Variants in FRMD4B observed in about 807,000 individuals in gnomAD.
FRMD4B encodes the protein FERM domain-containing protein 4B.
In FRMD4B, 74 loss-of-function variants were observed where a neutral mutation model predicts 141.5. The ratio of observed to expected loss-of-function variants is 0.52; its 90% CI spans 0.43 to 0.63. FRMD4B has a LOEUF of 0.63. FRMD4B is among the 30% of genes least tolerant of loss of function. FRMD4B has a pLI of 0.00. For missense variants in FRMD4B, 1,366 were observed against 1,253.4 expected (o/e 1.09, Z -1.36); for synonymous variants, 506 against 467.9 (o/e 1.08, Z -1.05).
intron 1 of FRMD4B, among the ~76,000 whole-genome samples, chr3:69,377,550 G>T (rs1704004597): frequency 6.6e-6 from 1 of 152,234 alleles, no homozygotes; most frequent in Admixed American, 6.5e-5. Context: ...GCTGTTGGGA[G>T]TGTTGTGAGC....
Position 69,287,794 on chromosome 3 carries a change from G to T in FRMD4B, c.459C>A (p.Thr153=), listed in dbSNP as rs372017118. 6 of 1,604,046 alleles carry T rather than the reference G, an allele frequency of 3.7e-6. No homozygotes were observed. In the South Asian group the frequency reaches 5.6e-5, roughly 15 times the overall value. The stretch of plus-strand genomic sequence containing the variant: ...TTGCATTCAGGAAAAACAGCTCCAC[G>T]GTGGTTTTATCCTTTAAAAACGATA... ...ESISFLKDKT[T]VELFFLNAKA... The change falls in exon 5 of 23, where the codon ACC becomes ACA. Residue 153 remains threonine (T), a synonymous_variant. Transcript: ENST00000398540.
chr3:69,313,580 C>T (rs1208069532), intron 1 of FRMD4B, 63 bp from the exon 2 acceptor site: 5 of 968,286 alleles, frequency 5.2e-6, no homozygotes, highest in Admixed American at 2.1e-5. Context: ...CCTTTGGACT[C>T]GTTGTATCAT....
chr3:69,469,948 A>C (rs1705860296), intron 1 of FRMD4B, among the ~76,000 whole-genome samples: 1 of 152,204 alleles, frequency 6.6e-6, no homozygotes, highest in African/African-American at 2.4e-5. Context: ...CGAATGTTTC[A>C]GATTAACAGC....
chr3:69,287,818 T>G lies in FRMD4B; in HGVS notation c.435A>C (p.Ile145=). Residue 145 remains isoleucine (I), a synonymous_variant, in exon 5 of 23, where the codon ATA becomes ATC. Transcript: ENST00000398540. ...HFAVRFYIES[I]SFLKDKTTVE... ...CGGTGGTTTTATCCTTTAAAAACGA[T>G]ATGCTCTCAATGTAAAACCTGAAAA... The G allele has an allele frequency of 6.3e-7, 1 of 1,578,150 alleles. No individual in the cohort carries two copies. The highest frequency in any genetic ancestry group is 8.7e-7 in the Non-Finnish European group (1 of 1,151,798).
At chr3:69,430,456 C>T (rs1705160707) in intron 2 of FRMD4B, among the ~76,000 whole-genome samples, 2 of 152,214 alleles carry the variant, frequency 1.3e-5, no homozygotes, top group African/African-American at 4.8e-5. Context: ...ATTTCTGAGC[C>T]TCTAGCACTG....
intron 1 of FRMD4B, among the ~76,000 whole-genome samples, chr3:69,442,829 G>T (rs929125678): frequency 3.1e-4 from 47 of 152,176 alleles, no homozygotes; most frequent in African/African-American, 1.1e-3. Context: ...GAGGAAATGG[G>T]TTCTAGACTC....
At chr3:69,184,911 T>C (rs1374241255) in intron 19 of FRMD4B, among the ~76,000 whole-genome samples, 5 of 152,246 alleles carry the variant, frequency 3.3e-5, no homozygotes, top group Non-Finnish European at 2.9e-5. Flanking sequence ...CTGTAGCTCC[T>C]TGGATCTCTT....
intron 14 of FRMD4B, 55 bp from the exon 15 acceptor site, chr3:69,195,419 T>C (rs2092892360): frequency 1.4e-6 from 2 of 1,447,370 alleles, no homozygotes; most frequent in Admixed American, 5.0e-5. Context: ...TTCCTTCCTT[T>C]CTAAGGGACA....
intron 1 of FRMD4B, among the ~76,000 whole-genome samples, chr3:69,456,634 G>C (rs759846680): frequency 1.3e-5 from 2 of 150,696 alleles, no homozygotes; most frequent in Admixed American, 1.3e-4. Context: ...TGTCTTGTTC[G>C]CCATTGTATA....
chr3:69,258,953 G>A (rs1234942307), intron 5 of FRMD4B, among the ~76,000 whole-genome samples: 5 of 152,170 alleles, frequency 3.3e-5, no homozygotes, highest in Non-Finnish European at 7.4e-5. Flanking sequence ...GACCAGTTTT[G>A]TAGAAGACAA....
Position 69,494,880 on chromosome 3 carries a change from G to A in FRMD4B, c.-129+47326C>T, listed in dbSNP as rs1706359794. On this transcript the variant is annotated intron_variant, in intron 1 of 5. Transcript: ENST00000459638. ...GCACTCCAGCATGGGCAACAAGAGTGAAACTCCGTCCAAAAAAAGAAAGGA... is the reference window on the plus strand; with the variant it reads ...GCACTCCAGCATGGGCAACAAGAGTAAAACTCCGTCCAAAAAAAGAAAGGA... Among the ~76,000 whole-genome samples, 9 of 148,532 alleles carry A rather than the reference G, an allele frequency of 6.1e-5. No homozygotes were observed. The South Asian group carries it at 1.8e-3, about 29-fold the overall frequency.
chr3:69,245,349 GTGTGTT>G (rs1405391912), intron 7 of FRMD4B, among the ~76,000 whole-genome samples: 4 of 151,004 alleles, frequency 2.6e-5, no homozygotes, highest in Non-Finnish European at 4.4e-5. Context: ...GTGTGTGTGT[GTGTGTT>G]TTTAGACAGA....
intron 1 of FRMD4B, among the ~76,000 whole-genome samples, chr3:69,498,718 T>A (rs895836776): frequency 6.6e-6 from 1 of 152,176 alleles, no homozygotes; most frequent in African/African-American, 2.4e-5. Flanking sequence ...CTTATTAGTA[T>A]CTCTTATAGA....
At chr3:69,241,321 A>C (rs796861908) in intron 7 of FRMD4B, among the ~76,000 whole-genome samples, 30 of 152,316 alleles carry the variant, frequency 2.0e-4, no homozygotes, top group African/African-American at 7.2e-4. Context: ...GGCTGAAATA[A>C]GAGTGGAAAA....
intron 22 of FRMD4B, among the ~76,000 whole-genome samples, chr3:69,175,586 G>A (rs759432917): frequency 3.9e-5 from 6 of 152,102 alleles, no homozygotes; most frequent in Non-Finnish European, 7.4e-5. Flanking sequence ...GGTATGAACA[G>A]CCTTTCCTGG....
chr3:69,194,590 T>C (rs1237080001), intron 16 of FRMD4B, among the ~76,000 whole-genome samples: 1 of 152,240 alleles, frequency 6.6e-6, no homozygotes, highest in African/African-American at 2.4e-5. Context: ...GCTGTGCATG[T>C]ATTATCTCAT....
intron 1 of FRMD4B, among the ~76,000 whole-genome samples, chr3:69,500,028 C>A (rs1266091535): frequency 6.6e-6 from 1 of 152,198 alleles, no homozygotes; most frequent in Non-Finnish European, 1.5e-5. Context: ...GGACCGTGGT[C>A]AAGGACATCT....
intron 1 of FRMD4B, among the ~76,000 whole-genome samples, chr3:69,491,572 A>T (rs1706301655): frequency 6.6e-6 from 1 of 152,232 alleles, no homozygotes; most frequent in Admixed American, 6.5e-5. Flanking sequence ...CTCTTCTGCA[A>T]AAAGAACAAA....
intron 1 of FRMD4B, among the ~76,000 whole-genome samples, chr3:69,528,896 C>G (rs936953613): frequency 1.3e-5 from 2 of 151,962 alleles, no homozygotes; most frequent in African/African-American, 2.4e-5. Context: ...CAATATACAC[C>G]CCTTAGTTTC....
Sources: allele counts gnomAD v4.1 joint callset (sites outside exome capture counted in the v4.1 genomes callset), GRCh38; gene constraint gnomAD v4.1.1; transcripts MANE v1.5; gene names NCBI Gene and HGNC (gene_info 2026-07-23, HGNC 2026-07-21).